The following KCNJ6 variants were observed in gnomAD, a reference collection of about 807,000 sequenced individuals.
KCNJ6 encodes potassium inwardly rectifying channel subfamily J member 6.
KCNJ6 carries 9 observed loss-of-function variants against 34.2 expected under a neutral mutation model. The ratio of observed to expected loss-of-function variants is 0.26; its 90% CI spans 0.16 to 0.46. The LOEUF (loss-of-function observed/expected upper bound fraction) is 0.46, where lower values mean the gene tolerates loss of function less well. Among genes scored for constraint, KCNJ6 ranks in the 20% least tolerant of loss-of-function variants. The pLI, the probability that KCNJ6 is intolerant of heterozygous loss-of-function variation, is 1.00. For missense variants in KCNJ6, 236 were observed against 531.3 expected (o/e 0.44, Z 5.46); for synonymous variants, 196 against 207.1 (o/e 0.95, Z 0.46).
intron 3 of KCNJ6, among the ~76,000 whole-genome samples, chr21:37,682,571 C>T (rs1331825966): frequency 6.6e-6 from 1 of 152,092 alleles, no homozygotes. Flanking sequence ...CTTATAAGGG[C>T]AATTGTCATT....
At chr21:37,663,466 A>AC (rs202022595) in intron 3 of KCNJ6, among the ~76,000 whole-genome samples, 2 of 151,814 alleles carry the variant, frequency 1.3e-5, no homozygotes, top group African/African-American at 4.8e-5. Flanking sequence ...CATGAAACAA[A>AC]AAAAAAAAAT....
At chr21:37,914,008 G>GTGTGT (rs1555855560) in intron 1 of KCNJ6, among the ~76,000 whole-genome samples, 8 of 135,480 alleles carry the variant, frequency 5.9e-5, no homozygotes, top group African/African-American at 1.9e-4. Flanking sequence ...GGCGGATCGG[G>GTGTGT]GTGTGTGTGT....
chr21:37,877,708 C>T (rs1478751302), intron 1 of KCNJ6, among the ~76,000 whole-genome samples: 1 of 152,160 alleles, frequency 6.6e-6, no homozygotes, highest in African/African-American at 2.4e-5. Flanking sequence ...TCGGATCGGC[C>T]ACAGGTGGCC....
intron 1 of KCNJ6, among the ~76,000 whole-genome samples, chr21:37,886,398 A>C (rs927737919): frequency 6.6e-6 from 1 of 152,190 alleles, no homozygotes; most frequent in African/African-American, 2.4e-5. Context: ...GCCATGGACC[A>C]GTAGCTTTTC....
At chr21:37,897,063 G>A (rs2055792423) in intron 1 of KCNJ6, among the ~76,000 whole-genome samples, 1 of 152,192 alleles carries the variant, frequency 6.6e-6, no homozygotes, top group Non-Finnish European at 1.5e-5. Flanking sequence ...TTTGCCTGTA[G>A]GAACAAACAC....
At chr21:37,874,877 C>T (rs936112498) in intron 1 of KCNJ6, among the ~76,000 whole-genome samples, 2 of 152,202 alleles carry the variant, frequency 1.3e-5, no homozygotes, top group African/African-American at 4.8e-5. Flanking sequence ...CCCAAGCCAC[C>T]ATCTCTGCAA....
At chr21:37,900,817 C>T (rs1404642124) in intron 1 of KCNJ6, among the ~76,000 whole-genome samples, 1 of 152,108 alleles carries the variant, frequency 6.6e-6, no homozygotes, top group Non-Finnish European at 1.5e-5. Context: ...GGGAGTGAGA[C>T]CCACAGTAAA....
chr21:37,776,337 A>G (rs2055141951), intron 2 of KCNJ6, among the ~76,000 whole-genome samples: 1 of 152,160 alleles, frequency 6.6e-6, no homozygotes, highest in Non-Finnish European at 1.5e-5. Context: ...AATACCCTTT[A>G]TTACCTTCTC....
chr21:37,698,327 G>A (rs1484732397), intron 3 of KCNJ6, among the ~76,000 whole-genome samples: 1 of 152,190 alleles, frequency 6.6e-6, no homozygotes, highest in Non-Finnish European at 1.5e-5. Flanking sequence ...GCTTCTCCAG[G>A]CGGGGGCTGC....
chr21:37,728,234 C>T (rs141317262), intron 2 of KCNJ6, among the ~76,000 whole-genome samples: 4 of 152,222 alleles, frequency 2.6e-5, no homozygotes, highest in East Asian at 3.9e-4. Flanking sequence ...ATTTCACTTA[C>T]GTGAGGTTCC....
intron 1 of KCNJ6, among the ~76,000 whole-genome samples, chr21:37,891,264 GACAC>G (rs912195011): frequency 6.6e-6 from 1 of 151,946 alleles, no homozygotes; most frequent in Admixed American, 6.6e-5. Flanking sequence ...CACAGGCAAA[GACAC>G]ACACACAGAG....
intron 1 of KCNJ6, among the ~76,000 whole-genome samples, chr21:37,893,406 C>A (rs1016365375): frequency 3.3e-5 from 5 of 151,962 alleles, no homozygotes; most frequent in Non-Finnish European, 7.4e-5. Context: ...TGGGGTTTCA[C>A]TATCTTGGCC....
chr21:37,838,515 C>G (rs1025241320), intron 2 of KCNJ6, among the ~76,000 whole-genome samples: 1 of 152,192 alleles, frequency 6.6e-6, no homozygotes, highest in African/African-American at 2.4e-5. Context: ...GACAATGATG[C>G]TTAGGTTCTA....
intron 2 of KCNJ6, among the ~76,000 whole-genome samples, chr21:37,748,953 G>C (rs949155947): frequency 6.6e-6 from 1 of 152,150 alleles, no homozygotes; most frequent in Non-Finnish European, 1.5e-5. Flanking sequence ...TAGGTATAGA[G>C]CTATCAACCT....
chr21:37,834,584 C>A (rs1353722628), intron 2 of KCNJ6, among the ~76,000 whole-genome samples: 2 of 152,198 alleles, frequency 1.3e-5, no homozygotes, highest in Admixed American at 1.3e-4. Context: ...TGCCTTAACA[C>A]AATGCCAGAG....
chr21:37,748,871 C>T (rs924925769), intron 2 of KCNJ6, among the ~76,000 whole-genome samples: 3 of 152,076 alleles, frequency 2.0e-5, no homozygotes, highest in Non-Finnish European at 4.4e-5. Context: ...AGGGAAGAGT[C>T]CAGGAACAAA....
intron 3 of KCNJ6, among the ~76,000 whole-genome samples, chr21:37,633,928 CA>C (rs56360366): frequency 7.0e-4 from 105 of 149,770 alleles, no homozygotes; most frequent in Admixed American, 1.7e-3. Context: ...TTCTTAAAGT[CA>C]AAAAAAAAAT....
At chr21:37,904,105 A>T (rs965255887) in intron 1 of KCNJ6, among the ~76,000 whole-genome samples, 6 of 152,214 alleles carry the variant, frequency 3.9e-5, no homozygotes, top group African/African-American at 1.4e-4. Flanking sequence ...CTGAAACCAC[A>T]ATGTGATCCT....
At position 37,607,705 on chromosome 21, in the gene KCNJ6, A is replaced by T. The variant is rs1351479835; in HGVS notation, c.*17454T>A. 1.3e-5 allele frequency: 2 copies of T among 152,084 alleles called. No individual in the cohort carries two copies. The highest frequency in any genetic ancestry group is 2.9e-5 in the Non-Finnish European group (2 of 68,002). 9.4% of individuals were successfully genotyped at this position (152,084 alleles called of 1,614,324 possible). ...AAAGCATGGTGGAAAAGTTGGCAAG[A>T]TTGACCTCAGAAGCAAATCTTAGTG... On this transcript the variant is annotated 3_prime_UTR_variant, in exon 4 of 4. Coordinates refer to ENST00000609713, the MANE Select transcript of KCNJ6 (RefSeq NM_002240.5).
Sources: gnomAD v4.1 joint callset for allele counts (sites outside exome capture counted in the v4.1 genomes callset) on GRCh38, gnomAD v4.1.1 for gene constraint, MANE v1.5 for transcripts, NCBI Gene and HGNC (gene_info 2026-07-23, HGNC 2026-07-21) for gene names.